OPCML: variants seen among roughly 807,000 people sequenced by gnomAD.
The protein encoded by OPCML is opioid-binding protein/cell adhesion molecule.
In OPCML, 13 loss-of-function variants were observed where a neutral mutation model predicts 37.8. The ratio of observed to expected loss-of-function variants is 0.34; its 90% confidence interval spans 0.22 to 0.55. The LOEUF is 0.55. OPCML is among the 20% of genes least tolerant of loss of function. The pLI is 0.91. For missense variants in OPCML, 341 were observed against 435.6 expected (o/e 0.78, Z 1.93); for synonymous variants, 176 against 168.8 (o/e 1.04, Z -0.33).
chr11:132,986,566 A>G (rs1458519163), intron 1 of OPCML, among the ~76,000 whole-genome samples: 1 of 152,220 alleles, frequency 6.6e-6, no homozygotes, highest in Admixed American at 6.5e-5. Context: ...ATAATAGGTG[A>G]CCTACTCAAT....
Position 132,750,642 on chromosome 11 carries a change from G to A in OPCML, c.147-93323C>T, listed in dbSNP as rs979467342. ...TTTGCTTATGCATACATAACTATTT[G>A]TCTAGCAATGGATTTGAATATTCTG... is the stretch of plus-strand genomic sequence containing the variant. On this transcript the variant is annotated intron_variant, in intron 2 of 7. Transcript: ENST00000524381. 8.9e-4 allele frequency among the ~76,000 whole-genome samples: 135 copies of A among 152,140 alleles called. 1 individual carries two copies. The highest frequency in any genetic ancestry group is 3.2e-3 in the African/African-American group (131 of 41,428).
At chr11:132,697,521 A>G (rs1164027591) in intron 2 of OPCML, among the ~76,000 whole-genome samples, 2 of 152,122 alleles carry the variant, frequency 1.3e-5, no homozygotes, top group African/African-American at 4.8e-5. Context: ...TATAAGTGAG[A>G]TCATGCAAAA....
At chr11:133,391,452 T>C (rs1012108132) in intron 1 of OPCML, among the ~76,000 whole-genome samples, 10 of 152,116 alleles carry the variant, frequency 6.6e-5, no homozygotes, top group African/African-American at 2.2e-4. Flanking sequence ...ACATTAGAAG[T>C]GGAAGTATTA....
At chr11:133,044,356 C>G (rs1051492474) in intron 1 of OPCML, among the ~76,000 whole-genome samples, 1 of 152,148 alleles carries the variant, frequency 6.6e-6, no homozygotes, top group Non-Finnish European at 1.5e-5. Context: ...TCACGCAATG[C>G]TTTGTAAGCT....
intron 4 of OPCML, among the ~76,000 whole-genome samples, chr11:132,472,719 C>T (rs2096141903): frequency 6.6e-6 from 1 of 152,204 alleles, no homozygotes; most frequent in African/African-American, 2.4e-5. Flanking sequence ...GTGGAGCTTG[C>T]ACTGAACAAT....
At chr11:132,749,927 G>A (rs527765646) in intron 2 of OPCML, among the ~76,000 whole-genome samples, 1 of 152,058 alleles carries the variant, frequency 6.6e-6, no homozygotes, top group East Asian at 1.9e-4. Context: ...CTCTTGCCCA[G>A]GCTGGAGTGC....
chr11:133,499,876 T>A (rs201386048), intron 1 of OPCML, among the ~76,000 whole-genome samples: 1,758 of 65,192 alleles, frequency 0.027, 13 homozygotes, highest in African/African-American at 0.041. Flanking sequence ...ATATATATAT[T>A]TTTTTTTTTT....
chr11:133,272,582 G>C (rs147685005), intron 1 of OPCML, among the ~76,000 whole-genome samples: 1 of 152,162 alleles, frequency 6.6e-6, no homozygotes, highest in South Asian at 2.1e-4. Flanking sequence ...CCTCTGGGCC[G>C]GCCCGGGGAC....
At chr11:132,690,684 A>G (rs1565778838) in intron 2 of OPCML, among the ~76,000 whole-genome samples, 2 of 152,326 alleles carry the variant, frequency 1.3e-5, no homozygotes, top group Non-Finnish European at 2.9e-5. Flanking sequence ...GTGTGTGCTC[A>G]TGCGTGTGTG....
At chr11:133,512,124 A>T (rs1040332175) in intron 1 of OPCML, among the ~76,000 whole-genome samples, 4 of 152,080 alleles carry the variant, frequency 2.6e-5, no homozygotes, top group African/African-American at 9.7e-5. Flanking sequence ...GTTCCATAAG[A>T]CTACTCCACT....
intron 2 of OPCML, among the ~76,000 whole-genome samples, chr11:132,671,175 G>C (rs918662095): frequency 4.6e-5 from 7 of 152,170 alleles, no homozygotes; most frequent in Non-Finnish European, 7.4e-5. Flanking sequence ...GGGAGGTGAA[G>C]TCTTCACCGT....
intron 7 of OPCML, among the ~76,000 whole-genome samples, chr11:132,431,171 A>G (rs2095995591): frequency 6.6e-6 from 1 of 152,236 alleles, no homozygotes; most frequent in Non-Finnish European, 1.5e-5. Context: ...TACTGTGCAA[A>G]GATTGTCCAT....
chr11:132,677,536 A>G (rs563868547), intron 2 of OPCML, among the ~76,000 whole-genome samples: 3 of 152,310 alleles, frequency 2.0e-5, no homozygotes, highest in African/African-American at 7.2e-5. Flanking sequence ...TCAAGACAGC[A>G]TGTATTATTG....
chr11:132,636,324 C>T (rs1940494700), intron 3 of OPCML, among the ~76,000 whole-genome samples: 1 of 152,144 alleles, frequency 6.6e-6, no homozygotes, highest in African/African-American at 2.4e-5. Flanking sequence ...TCAAGGTAAA[C>T]ATACCACTGT....
chr11:133,498,205 G>C (rs988538175), intron 1 of OPCML, among the ~76,000 whole-genome samples: 4 of 152,210 alleles, frequency 2.6e-5, no homozygotes, highest in African/African-American at 9.7e-5. Flanking sequence ...TCAGAGTCCA[G>C]AGTGAGCCCA....
At position 132,814,214 on chromosome 11, in the gene OPCML, T is replaced by C. The variant is rs543470009; in HGVS notation, c.146+128712A>G. On this transcript the variant is annotated intron_variant, in intron 2 of 7. Coordinates refer to ENST00000524381, the MANE Select transcript of OPCML (RefSeq NM_001012393.5). ...ACTGGAGAGTGATGAGTTGAACTCATTGTCTGCTGTTTCAGTCAAGGTTCT... is the reference window on the plus strand; with the variant it reads ...ACTGGAGAGTGATGAGTTGAACTCACTGTCTGCTGTTTCAGTCAAGGTTCT... Among the ~76,000 whole-genome samples, 78 of 152,342 alleles carry C rather than the reference T, an allele frequency of 5.1e-4. No individual in the cohort carries two copies. The South Asian group carries it at 0.012, about 24-fold the overall frequency.
At chr11:132,645,029 C>G (rs1054684602) in intron 3 of OPCML, among the ~76,000 whole-genome samples, 1 of 152,206 alleles carries the variant, frequency 6.6e-6, no homozygotes, top group Admixed American at 6.5e-5. Context: ...ATAATCCATC[C>G]CATTAAATTG....
At chr11:133,106,107 A>G (rs1267445227) in intron 1 of OPCML, among the ~76,000 whole-genome samples, 1 of 152,252 alleles carries the variant, frequency 6.6e-6, no homozygotes, top group Non-Finnish European at 1.5e-5. Flanking sequence ...CTGAACTATT[A>G]TAATGTTTTA....
At chr11:132,833,558 A>T (rs1940838079) in intron 2 of OPCML, among the ~76,000 whole-genome samples, 1 of 152,248 alleles carries the variant, frequency 6.6e-6, no homozygotes, top group African/African-American at 2.4e-5. Flanking sequence ...GGTGATGTAA[A>T]TACATAAACC....
Sources: allele counts gnomAD v4.1 joint callset (sites outside exome capture counted in the v4.1 genomes callset), GRCh38; gene constraint gnomAD v4.1.1; transcripts MANE v1.5; gene names NCBI Gene and HGNC (gene_info 2026-07-23, HGNC 2026-07-21).